The following AMBRA1 variants were observed in gnomAD, a reference collection of about 807,000 sequenced individuals.
AMBRA1 encodes the protein activating molecule in BECN1-regulated autophagy protein 1.
In AMBRA1, 47 loss-of-function variants were observed where a neutral mutation model predicts 125.4. The observed-to-expected ratio is 0.37, with a 90% CI of 0.30 to 0.48. The LOEUF is 0.48. Among genes scored for constraint, AMBRA1 ranks in the 20% least tolerant of loss-of-function variants. AMBRA1 has a pLI of 0.99. For synonymous variants in AMBRA1, 626 were observed against 655.5 expected (o/e 0.95, Z 0.69); for missense variants, 1,331 against 1,693.4 (o/e 0.79, Z 3.76).
At chr11:46,578,621 C>T (rs1026294405) in intron 1 of AMBRA1, among the ~76,000 whole-genome samples, 10 of 151,894 alleles carry the variant, frequency 6.6e-5, no homozygotes, top group South Asian at 4.2e-4. Context: ...CAGTGGTTCA[C>T]GCCTGTAATC....
chr11:46,416,162 A>T (rs564185134), intron 15 of AMBRA1, among the ~76,000 whole-genome samples: 102 of 152,318 alleles, frequency 6.7e-4, no homozygotes, highest in African/African-American at 2.3e-3. Flanking sequence ...CATAGTCCAG[A>T]ATTCTGTGCC....
chr11:46,577,978 G>A (rs1340875494), intron 1 of AMBRA1, among the ~76,000 whole-genome samples: 1 of 151,936 alleles, frequency 6.6e-6, no homozygotes, highest in Non-Finnish European at 1.5e-5. Context: ...AAACAAAAAC[G>A]CTAGAAGCTG....
In AMBRA1 at chr11:46,478,846, A is replaced by G. The variant is rs147283782; in HGVS notation, c.2521+14762T>C. 3.4e-3 allele frequency among the ~76,000 whole-genome samples: 509 copies of G among 151,676 alleles called. 1 individual carries two copies. The highest frequency in any genetic ancestry group is 0.01 in the South Asian group (50 of 4,798). ...TATTTCTTGAAAGTTCTAAATCTGT[A>G]CCTTTATATCCTTTGGTATGCTGAA... On this transcript the variant is annotated intron_variant, in intron 11 of 17. Transcript: ENST00000683756.
chr11:46,404,962 T>G (rs548739407), intron 17 of AMBRA1, among the ~76,000 whole-genome samples: 1 of 152,328 alleles, frequency 6.6e-6, no homozygotes, highest in South Asian at 2.1e-4. Context: ...AGCCCCAGCA[T>G]GTCACCTTCA....
chr11:46,441,242 G>A (rs1590814524), intron 12 of AMBRA1, among the ~76,000 whole-genome samples: 1 of 152,134 alleles, frequency 6.6e-6, no homozygotes, highest in South Asian at 2.1e-4. Flanking sequence ...GGCCGGGCAC[G>A]GTGGCTCACG....
In AMBRA1 at chr11:46,542,599, G is replaced by A. The variant is rs200296421; in HGVS notation, c.1418C>T (p.Pro473Leu). ...TGACTCAGTTGCCAACCCTGATGCC[G>A]GAAAACCCCTCCCTTCTGTGGCTGA... ...YTSATEGRGF[P>L]ASGLATESDG... Residue 473 changes from proline to leucine, a missense_variant, in exon 7 of 18, where the codon CCG (proline) becomes CTG (leucine). This residue lies in a region of AMBRA1 where 689 missense variants were observed against 776.5 expected (regional missense o/e 0.89). Coordinates refer to ENST00000683756, the MANE Select transcript of AMBRA1 (RefSeq NM_001387011.1). This position sits in a 1 kb window ranked among gnomAD's most constrained non-coding sequence, Gnocchi z 5.9. The A allele has an allele frequency of 8.4e-5, 135 of 1,613,926 alleles. No individual in the cohort carries two copies. Among genetic ancestry groups the A allele is most frequent in the Admixed American group, 2.7e-4 (16 of 60,012 alleles).
intron 14 of AMBRA1, among the ~76,000 whole-genome samples, chr11:46,423,612 T>C (rs925967497): frequency 6.6e-6 from 1 of 151,988 alleles, no homozygotes; most frequent in Non-Finnish European, 1.5e-5. Context: ...AGGATGGTCT[T>C]GATCTCCTGA....
rs541939872 is a variant in AMBRA1, at chr11:46,437,524, A to G, written c.2633-2487T>C. The stretch of plus-strand genomic sequence containing the variant: ...TAATGGGATGTGGTGGCATAGAGTG[A>G]TTTGGTAGCTCCATTGCACTGGGTT... On this transcript the variant is annotated intron_variant, in intron 12 of 17. Transcript: ENST00000683756. 2.0e-5 allele frequency among the ~76,000 whole-genome samples: 3 copies of G among 152,278 alleles called. No homozygotes were observed. In the East Asian group the frequency reaches 5.8e-4, roughly 29 times the overall value.
chr11:46,551,698 T>A (rs1362843268), intron 1 of AMBRA1, among the ~76,000 whole-genome samples: 1 of 148,890 alleles, frequency 6.7e-6, no homozygotes, highest in East Asian at 2.0e-4. Flanking sequence ...TGGCAAAACC[T>A]ACTCTACTAA....
At chr11:46,424,536 C>T (rs76752406) in intron 14 of AMBRA1, among the ~76,000 whole-genome samples, 223 of 152,330 alleles carry the variant, frequency 1.5e-3, no homozygotes, top group Non-Finnish European at 1.7e-3. Flanking sequence ...GAGGCACTCA[C>T]GGCTTCTGGA....
At chr11:46,479,083 G>A (rs1038208928) in intron 11 of AMBRA1, among the ~76,000 whole-genome samples, 7 of 151,934 alleles carry the variant, frequency 4.6e-5, no homozygotes, top group African/African-American at 1.7e-4. Flanking sequence ...CAGTAGTCTC[G>A]GTTACCTGGG....
At chr11:46,561,717 C>T (rs1267230527) in intron 1 of AMBRA1, among the ~76,000 whole-genome samples, 1 of 152,160 alleles carries the variant, frequency 6.6e-6, no homozygotes, top group Non-Finnish European at 1.5e-5. Context: ...TCCCTCGAGG[C>T]TTCAAGAAAA....
intron 9 of AMBRA1, among the ~76,000 whole-genome samples, chr11:46,503,298 G>T (rs903059383): frequency 1.3e-5 from 2 of 152,086 alleles, no homozygotes; most frequent in Non-Finnish European, 2.9e-5. Context: ...TGTGTATCAG[G>T]GAATAGGAAG....
At chr11:46,527,542 T>C (rs1952032231) in intron 7 of AMBRA1, among the ~76,000 whole-genome samples, 1 of 113,296 alleles carries the variant, frequency 8.8e-6, no homozygotes, top group South Asian at 2.9e-4. Context: ...TTGCTAACCA[T>C]ATATCAGATA....
chr11:46,520,596 T>C (rs1482644760), intron 7 of AMBRA1, among the ~76,000 whole-genome samples: 3 of 151,436 alleles, frequency 2.0e-5, no homozygotes, highest in Middle Eastern at 3.2e-3. Flanking sequence ...TGTTTTTCTT[T>C]TCTTTTTTTT....
chr11:46,454,764 T>C (rs1208824158), intron 11 of AMBRA1, among the ~76,000 whole-genome samples: 2 of 140,826 alleles, frequency 1.4e-5, no homozygotes. Flanking sequence ...AAAATAAAAA[T>C]AAAAAAAGAA....
At chr11:46,456,298 CA>C in intron 11 of AMBRA1, among the ~76,000 whole-genome samples, 1 of 152,312 alleles carries the variant, frequency 6.6e-6, no homozygotes, top group South Asian at 2.1e-4. Context: ...CTACCTCTGA[CA>C]AAAGACTTGC....
intron 1 of AMBRA1, among the ~76,000 whole-genome samples, chr11:46,563,977 T>A (rs1368365055): frequency 2.0e-5 from 3 of 151,210 alleles, no homozygotes; most frequent in African/African-American, 7.3e-5. Flanking sequence ...AAACCCCGTC[T>A]CTACTAAAAA....
intron 7 of AMBRA1, among the ~76,000 whole-genome samples, chr11:46,533,167 G>GA (rs1227510710): frequency 1.4e-3 from 163 of 120,342 alleles, no homozygotes; most frequent in Admixed American, 1.6e-3. Context: ...TGTCTCAAAA[G>GA]AAAAAAAAAA....
Sources: gnomAD v4.1 joint callset for allele counts (sites outside exome capture counted in the v4.1 genomes callset) on GRCh38, gnomAD v4.1.1 for gene constraint, gnomAD v4.1.1 regional missense constraint, Gnocchi (gnomAD v3.1) non-coding constraint, MANE v1.5 for transcripts, NCBI Gene and HGNC (gene_info 2026-07-23, HGNC 2026-07-21) for gene names.